Variants in LMX1A observed in about 807,000 individuals in gnomAD.
The protein encoded by LMX1A is LIM homeobox transcription factor 1-alpha.
LMX1A carries 15 observed loss-of-function variants against 49.1 expected under a neutral mutation model. The observed-to-expected ratio is 0.31, with a 90% confidence interval of 0.20 to 0.47. The LOEUF is 0.47. Ranked by LOEUF, LMX1A falls within the 20% of genes least tolerant of loss-of-function variation. LMX1A has a pLI of 1.00. For missense variants in LMX1A, 372 were observed against 475.8 expected (o/e 0.78, Z 2.03); for synonymous variants, 167 against 185.7 (o/e 0.90, Z 0.82).
chr1:165,318,029 C>T (rs1163866110), intron 3 of LMX1A, among the ~76,000 whole-genome samples: 4 of 152,196 alleles, frequency 2.6e-5, no homozygotes, highest in Non-Finnish European at 5.9e-5. Flanking sequence ...GCTTCATGTT[C>T]TATCCTCCTT....
intron 3 of LMX1A, among the ~76,000 whole-genome samples, chr1:165,343,582 T>C (rs1557891029): frequency 6.6e-6 from 1 of 152,108 alleles, no homozygotes; most frequent in Non-Finnish European, 1.5e-5. Context: ...AGGACATGCG[T>C]TTCAAATTAC....
At chr1:165,306,806 G>T (rs1287556219) in intron 3 of LMX1A, among the ~76,000 whole-genome samples, 1 of 152,182 alleles carries the variant, frequency 6.6e-6, no homozygotes, top group Admixed American at 6.5e-5. Flanking sequence ...CTAGTGGTTT[G>T]GCTGCCTCTG....
chr1:165,343,185 A>G (rs1168374183), intron 3 of LMX1A, among the ~76,000 whole-genome samples: 1 of 152,166 alleles, frequency 6.6e-6, no homozygotes, highest in Non-Finnish European at 1.5e-5. Context: ...TGAACCTTTG[A>G]GTTTGGTACT....
chr1:165,204,900 G>A (rs1472742597), intron 8 of LMX1A, among the ~76,000 whole-genome samples: 2 of 152,156 alleles, frequency 1.3e-5, no homozygotes, highest in Non-Finnish European at 2.9e-5. Context: ...CATCCAATGA[G>A]TGGGGTCAGC....
At chr1:165,298,879 C>G (rs1446991699) in intron 3 of LMX1A, among the ~76,000 whole-genome samples, 2 of 152,190 alleles carry the variant, frequency 1.3e-5, no homozygotes, top group Non-Finnish European at 2.9e-5. Context: ...ACAATACAAA[C>G]AGTATGATTT....
intron 3 of LMX1A, among the ~76,000 whole-genome samples, chr1:165,253,662 C>G (rs1039336158): frequency 6.6e-6 from 1 of 152,340 alleles, no homozygotes; most frequent in African/African-American, 2.4e-5. Flanking sequence ...ACCAGTCCTC[C>G]TTGCCCTTGG....
chr1:165,209,379 G>A (rs1406923108), intron 6 of LMX1A, among the ~76,000 whole-genome samples: 3 of 152,206 alleles, frequency 2.0e-5, no homozygotes, highest in African/African-American at 7.2e-5. Context: ...ATGACTGACT[G>A]ACAGCTGTCA....
chr1:165,296,742 T>A (rs1403158757), intron 3 of LMX1A, among the ~76,000 whole-genome samples: 1 of 152,254 alleles, frequency 6.6e-6, no homozygotes, highest in Non-Finnish European at 1.5e-5. Context: ...TGAACAGATA[T>A]CTCAGGGTGA....
chr1:165,268,184 A>G (rs1382668058), intron 3 of LMX1A, among the ~76,000 whole-genome samples: 1 of 152,218 alleles, frequency 6.6e-6, no homozygotes, highest in South Asian at 2.1e-4. Flanking sequence ...TCTAGGCAGA[A>G]TTCTCAGAAA....
At chr1:165,352,164 C>T (rs1271291035) in intron 3 of LMX1A, among the ~76,000 whole-genome samples, 1 of 152,246 alleles carries the variant, frequency 6.6e-6, no homozygotes, top group African/African-American at 2.4e-5. Context: ...CTCCTCCCGG[C>T]ACGCCCGGAG....
intron 3 of LMX1A, among the ~76,000 whole-genome samples, chr1:165,299,849 A>T (rs1654726881): frequency 6.6e-6 from 1 of 151,104 alleles, no homozygotes; most frequent in South Asian, 2.1e-4. Flanking sequence ...GGTGGCAGTT[A>T]GTTCTTCCTG....
At chr1:165,334,131 G>T (rs1442012481) in intron 3 of LMX1A, among the ~76,000 whole-genome samples, 1 of 152,126 alleles carries the variant, frequency 6.6e-6, no homozygotes, top group Non-Finnish European at 1.5e-5. Context: ...ACACAAAACA[G>T]TTGCACCACT....
Position 165,203,780 on chromosome 1 carries a change from AC to A in LMX1A, c.*99del, listed in dbSNP as rs1650946880. ...CATCCCCAACAAAACTCCCTCCCCAACCCACCTCTTCCCTGGCCTCCCTGTC... is the reference window on the plus strand; with the variant it reads ...CATCCCCAACAAAACTCCCTCCCCAACCACCTCTTCCCTGGCCTCCCTGTC... On this transcript the variant is annotated 3_prime_UTR_variant, in exon 9 of 9. Coordinates refer to ENST00000342310, the MANE Select transcript of LMX1A (RefSeq NM_177398.4). The A allele has an allele frequency of 3.5e-6, 4 of 1,154,994 alleles. No homozygotes were observed. The highest frequency in any genetic ancestry group is 5.0e-6 in the Non-Finnish European group (4 of 792,418). The allele number at this position is 1,154,994 out of a possible 1,614,324, so 71.5% of individuals were successfully genotyped here.
intron 4 of LMX1A, among the ~76,000 whole-genome samples, chr1:165,216,716 C>G (rs987838688): frequency 5.3e-5 from 8 of 152,158 alleles, no homozygotes; most frequent in Non-Finnish European, 1.0e-4. Context: ...ATATTGATAA[C>G]ATAACTAATG....
At chr1:165,292,117 A>G (rs1231869491) in intron 3 of LMX1A, among the ~76,000 whole-genome samples, 1 of 151,320 alleles carries the variant, frequency 6.6e-6, no homozygotes, top group Non-Finnish European at 1.5e-5. Flanking sequence ...ACCATGGACT[A>G]AGGCAGGCAG....
chr1:165,224,102 G>A (rs1430772109), intron 4 of LMX1A, among the ~76,000 whole-genome samples: 1 of 152,180 alleles, frequency 6.6e-6, no homozygotes, highest in East Asian at 1.9e-4. Context: ...TTGTCATGAT[G>A]ATAGTGAGTC....
At chr1:165,247,321 A>C (rs1317435596) in intron 4 of LMX1A, among the ~76,000 whole-genome samples, 1 of 152,010 alleles carries the variant, frequency 6.6e-6, no homozygotes, top group Non-Finnish European at 1.5e-5. Context: ...ATAACACCTA[A>C]GCCCTTGGGA....
At chr1:165,323,490 A>C (rs539474485) in intron 3 of LMX1A, among the ~76,000 whole-genome samples, 4 of 152,216 alleles carry the variant, frequency 2.6e-5, no homozygotes, top group Non-Finnish European at 5.9e-5. Flanking sequence ...CCATGACATC[A>C]TTGGTTTCAT....
intron 3 of LMX1A, among the ~76,000 whole-genome samples, chr1:165,299,788 AG>A (rs1654721122): frequency 6.7e-6 from 1 of 148,354 alleles, no homozygotes; most frequent in Non-Finnish European, 1.5e-5. Flanking sequence ...AAAAAAAAAA[AG>A]TAGTAGTATT....
Sources: allele counts gnomAD v4.1 joint callset (sites outside exome capture counted in the v4.1 genomes callset), GRCh38; gene constraint gnomAD v4.1.1; transcripts MANE v1.5; gene names NCBI Gene and HGNC (gene_info 2026-07-23, HGNC 2026-07-21).